GNG7: variants seen among roughly 807,000 people sequenced by gnomAD.
The protein encoded by GNG7 is guanine nucleotide-binding protein G(I)/G(S)/G(O) subunit gamma-7.
GNG7 carries 1 observed loss-of-function variant against 4.0 expected under a neutral mutation model. The observed-to-expected ratio is 0.25, with a 90% CI of 0.09 to 1.18. The LOEUF is 1.18. Among genes scored for constraint, GNG7 ranks in the 50% most tolerant of loss-of-function variants. The pLI is 0.50. For missense variants in GNG7, 86 were observed against 91.9 expected, an observed-to-expected ratio of 0.94 and a Z score of 0.26; for synonymous variants, 34 against 36.9, an observed-to-expected ratio of 0.92 and a Z score of 0.29.
chr19:2,621,911 C>G (rs1040171103), intron 2 of GNG7, among the ~76,000 whole-genome samples: 1 of 152,076 alleles, frequency 6.6e-6, no homozygotes, highest in Non-Finnish European at 1.5e-5. Context: ...CCTCCAGAAC[C>G]GTGAGAGGAC....
intron 3 of GNG7, among the ~76,000 whole-genome samples, chr19:2,531,345 GGAA>G (rs1978580113): frequency 6.8e-6 from 1 of 147,256 alleles, no homozygotes; most frequent in African/African-American, 2.5e-5. Flanking sequence ...AAGATCAAGA[GGAA>G]GCAGACAGGT....
rs1196438479 is a variant in GNG7, at chr19:2,566,962, G to A, written c.-77-11774C>T. On this transcript the variant is annotated intron_variant, in intron 2 of 4. Coordinates refer to ENST00000382159, the MANE Select transcript of GNG7 (RefSeq NM_052847.3). ...TACTAAAAATACAAAAAAATTAGCC[G>A]GGCGCGGTGGCGGGCGTCTGTAATC... 3.3e-5 allele frequency among the ~76,000 whole-genome samples: 5 copies of A among 151,780 alleles called. 1 individual carries two copies. The highest frequency in any genetic ancestry group is 4.2e-4 in the South Asian group (2 of 4,812).
At chr19:2,521,049 A>G (rs1371376670) in intron 3 of GNG7, among the ~76,000 whole-genome samples, 1 of 151,610 alleles carries the variant, frequency 6.6e-6, no homozygotes, top group Non-Finnish European at 1.5e-5. Context: ...AGGTCAGGAG[A>G]TCGAGACCAT....
intron 1 of GNG7, among the ~76,000 whole-genome samples, chr19:2,672,795 C>T (rs1365469289): frequency 6.6e-6 from 1 of 152,142 alleles, no homozygotes; most frequent in Non-Finnish European, 1.5e-5. Context: ...TTTAAAGCCA[C>T]TGGGTTCTAC....
At chr19:2,538,306 C>T (rs1175365151) in intron 3 of GNG7, 3 of 456,184 alleles carry the variant, frequency 6.6e-6, no homozygotes, top group African/African-American at 2.0e-5. Flanking sequence ...AGAGAGATCC[C>T]TCCACGATGC....
At chr19:2,602,897 T>TTTTCTTTCTTTCTTTTCTTTCTTTCTTTC (rs1981247082) in intron 2 of GNG7, among the ~76,000 whole-genome samples, 1 of 103,306 alleles carries the variant, frequency 9.7e-6, no homozygotes, top group African/African-American at 4.4e-5. Context: ...CTTTTTCTCT[T>TTTTCTTTCTTTCTTTTCTTTCTTTCTTTC]TTTCTTTCTT....
In GNG7 at chr19:2,656,826, G is replaced by GA. The variant is rs1268598092; in HGVS notation, c.-134-10547dup. ...CAAGAATTTACCTCCGGCCCTTTAGGAAGGGTTGATATAATCCGTGTACTA... is the reference window on the plus strand; with the variant it reads ...CAAGAATTTACCTCCGGCCCTTTAGGAAAGGGTTGATATAATCCGTGTACTA... On this transcript the variant is annotated intron_variant, in intron 1 of 4. Coordinates refer to ENST00000382159, the MANE Select transcript of GNG7 (RefSeq NM_052847.3). 3.3e-5 allele frequency among the ~76,000 whole-genome samples: 5 copies of GA among 152,296 alleles called. No homozygotes were observed. In the East Asian group the frequency reaches 9.6e-4, roughly 29 times the overall value.
chr19:2,573,587 C>T (rs147381328), intron 2 of GNG7, among the ~76,000 whole-genome samples: 11,613 of 151,822 alleles, frequency 0.076, 733 homozygotes, highest in African/African-American at 0.17. Flanking sequence ...GAGGCCGAGG[C>T]GGGCAGATTA....
chr19:2,662,600 G>A (rs558752982), intron 1 of GNG7, among the ~76,000 whole-genome samples: 37 of 152,258 alleles, frequency 2.4e-4, no homozygotes, highest in African/African-American at 7.2e-4. Flanking sequence ...GAATACAGAC[G>A]AAAAGATGCA....
At chr19:2,538,070 C>G (rs1978803644) in intron 3 of GNG7, 1 of 362,384 alleles carries the variant, frequency 2.8e-6, no homozygotes. Context: ...GAGCAAGACT[C>G]TCTCTCAAAC....
intron 2 of GNG7, among the ~76,000 whole-genome samples, chr19:2,597,677 A>G (rs2144808487): frequency 6.6e-6 from 1 of 151,094 alleles, no homozygotes; most frequent in African/African-American, 2.4e-5. Flanking sequence ...TGGGTGGATC[A>G]CGAGGTCAGC....
chr19:2,655,638 A>T (rs1207003070), intron 1 of GNG7, among the ~76,000 whole-genome samples: 1 of 151,880 alleles, frequency 6.6e-6, no homozygotes, highest in Non-Finnish European at 1.5e-5. Context: ...GGAGATGGAG[A>T]CCATCCTGGC....
chr19:2,552,113 C>G (rs1979352008), intron 3 of GNG7, among the ~76,000 whole-genome samples: 1 of 152,070 alleles, frequency 6.6e-6, no homozygotes, highest in African/African-American at 2.4e-5. Flanking sequence ...TGTAAGGGAT[C>G]TTGGTTGCAC....
intron 2 of GNG7, among the ~76,000 whole-genome samples, chr19:2,589,424 T>G (rs1365659092): frequency 6.8e-6 from 1 of 146,576 alleles, no homozygotes; most frequent in African/African-American, 2.5e-5. Flanking sequence ...TTTGCCATGT[T>G]GAACAGGCTG....
At chr19:2,603,537 A>G (rs541358723) in intron 2 of GNG7, among the ~76,000 whole-genome samples, 9 of 152,288 alleles carry the variant, frequency 5.9e-5, no homozygotes, top group Admixed American at 4.6e-4. Flanking sequence ...GCCATCCCCG[A>G]GGGTTCAGAA....
chr19:2,691,037 T>C (rs547881960), intron 1 of GNG7, among the ~76,000 whole-genome samples: 29 of 152,230 alleles, frequency 1.9e-4, no homozygotes, highest in African/African-American at 7.0e-4. Context: ...CGTGGGTTCA[T>C]CCATTGTGAT....
intron 2 of GNG7, among the ~76,000 whole-genome samples, chr19:2,578,685 TGGGGTG>T (rs1339081394): frequency 6.6e-6 from 1 of 152,232 alleles, no homozygotes; most frequent in Non-Finnish European, 1.5e-5. Flanking sequence ...TCCTTCTCTC[TGGGGTG>T]GGGCCGTCCT....
Position 2,594,421 on chromosome 19 carries a change from A to AGGAG in GNG7, c.-77-39234_-77-39233insCTCC, listed in dbSNP as rs1156564477. On this transcript the variant is annotated intron_variant, in intron 2 of 4. Coordinates refer to ENST00000382159, the MANE Select transcript of GNG7 (RefSeq NM_052847.3). ...AAAGAAGGAGGGAAGGAAGGAAGGA[A>AGGAG]GGAAGGAAGGAAGGAAGGAAGGAAG... 6.6e-4 allele frequency among the ~76,000 whole-genome samples: 89 copies of AGGAG among 134,650 alleles called. No homozygotes were observed. The East Asian group carries it at 0.013, about 19-fold the overall frequency. The allele number at this position is 134,650 out of a possible 152,430, so 88.3% of individuals were successfully genotyped here. A position where few individuals can be genotyped will look rare whatever the true frequency, so the allele number is the denominator to read the frequency against.
At chr19:2,575,091 T>TC (rs1289381286) in intron 2 of GNG7, among the ~76,000 whole-genome samples, 1 of 145,680 alleles carries the variant, frequency 6.9e-6, no homozygotes, top group African/African-American at 2.5e-5. Context: ...CTTTCTTTCT[T>TC]TTTTTTTTTT....
Sources: gnomAD v4.1 joint callset for allele counts (sites outside exome capture counted in the v4.1 genomes callset) on GRCh38, gnomAD v4.1.1 for gene constraint, MANE v1.5 for transcripts, NCBI Gene and HGNC (gene_info 2026-07-23, HGNC 2026-07-21) for gene names.